Variants in KANSL1 observed in about 807,000 individuals in gnomAD.
The protein encoded by KANSL1 is MLL1/MLL complex subunit KANSL1.
KANSL1 carries 22 observed loss-of-function variants against 103.6 expected under a neutral mutation model. That is an observed-to-expected ratio of 0.21 (90% CI 0.15 to 0.30). KANSL1 has a LOEUF of 0.30. Among genes scored for constraint, KANSL1 ranks in the 10% least tolerant of loss-of-function variants. KANSL1 has a pLI of 1.00. For synonymous variants in KANSL1, 600 were observed against 527.6 expected, an observed-to-expected ratio of 1.14 and a Z score of -1.88; for missense variants, 1,337 against 1,399.8, an observed-to-expected ratio of 0.96 and a Z score of 0.72.
chr17:46,105,918 CA>C, intron 2 of KANSL1, among the ~76,000 whole-genome samples: 1 of 87,350 alleles, frequency 1.1e-5, no homozygotes, highest in South Asian at 4.0e-4. Flanking sequence ...CACACACACA[CA>C]CACACACACA....
rs1287305836 is a variant in KANSL1 at position 46,066,465 on chromosome 17, T to C, written c.1848+72A>G. 17 of 1,363,660 alleles carry C rather than the reference T, an allele frequency of 1.2e-5. No homozygotes were observed. In the East Asian group the frequency reaches 3.8e-4, roughly 31 times the overall value. 84.5% of individuals were successfully genotyped at this position (1,363,660 alleles called of 1,614,324 possible). ...TAGCCAAGTTTAGAAAACACCAAAG[T>C]TGGCAAGAGACTAACTCTATCTGAG... On this transcript the variant is annotated intron_variant, in intron 6 of 14. Coordinates refer to ENST00000432791, the MANE Select transcript of KANSL1 (RefSeq NM_015443.4).
intron 3 of KANSL1, chr17:46,093,341 T>G (rs2146936470): frequency 6.5e-6 from 1 of 152,776 alleles, no homozygotes; most frequent in African/African-American, 2.4e-5. Context: ...ATTAGTTTTG[T>G]TCCAGCTAAT....
intron 6 of KANSL1, among the ~76,000 whole-genome samples, chr17:46,063,727 G>A (rs1241281621): frequency 6.6e-6 from 1 of 152,026 alleles, no homozygotes; most frequent in East Asian, 1.9e-4. Flanking sequence ...AACTACATTC[G>A]TTCTTAGGCA....
chr17:46,128,425 G>T (rs983943235), intron 2 of KANSL1, among the ~76,000 whole-genome samples: 2 of 152,036 alleles, frequency 1.3e-5, no homozygotes, highest in Admixed American at 1.3e-4. Flanking sequence ...CATTCCAGAG[G>T]TAAGAAGAGA....
intron 3 of KANSL1, among the ~76,000 whole-genome samples, chr17:46,092,702 GTTT>G (rs1182576324): frequency 3.0e-4 from 10 of 33,416 alleles, no homozygotes; most frequent in Admixed American, 4.9e-4. Flanking sequence ...CTGTTGGGTT[GTTT>G]TTTTTTTTTT....
intron 2 of KANSL1, among the ~76,000 whole-genome samples, chr17:46,116,446 T>A (rs2147149721): frequency 6.6e-6 from 1 of 152,220 alleles, no homozygotes; most frequent in East Asian, 1.9e-4. Context: ...AGGAGAATGG[T>A]GTGAACTCGG....
At chr17:46,149,856 T>C (rs1467570401) in intron 2 of KANSL1, among the ~76,000 whole-genome samples, 1 of 142,626 alleles carries the variant, frequency 7.0e-6, no homozygotes, top group Non-Finnish European at 1.5e-5. Context: ...CTACTAAAAA[T>C]ACAAAAAAAA....
chr17:46,192,458 GC>G (rs1419322777), intron 1 of KANSL1: 1 of 152,754 alleles, frequency 6.5e-6, no homozygotes, highest in Non-Finnish European at 1.5e-5. Flanking sequence ...GCAGAGAAAG[GC>G]CTTTTGCAGT....
chr17:46,175,169 T>C (rs956038621), intron 1 of KANSL1, among the ~76,000 whole-genome samples: 4 of 152,176 alleles, frequency 2.6e-5, no homozygotes, highest in African/African-American at 9.7e-5. Flanking sequence ...CAACACAGGA[T>C]GGTAGGCCCT....
rs2042201997 is a variant in KANSL1, at chr17:46,099,140, G to A, written c.1290-4439C>T. On this transcript the variant is annotated intron_variant, in intron 2 of 14. Coordinates refer to ENST00000432791, the MANE Select transcript of KANSL1 (RefSeq NM_015443.4). Reference sequence around the variant, plus strand: ...AGATCGAGACCATCCTGGCTAACACGGTGAAACCCCGTCTCTACTAAAAAT... The same window carrying A: ...AGATCGAGACCATCCTGGCTAACACAGTGAAACCCCGTCTCTACTAAAAAT... Among the ~76,000 whole-genome samples the A allele has an allele frequency of 4.1e-5, 5 of 122,960 alleles. 1 individual carries two copies. In the Admixed American group the frequency reaches 4.4e-4, roughly 11 times the overall value. The allele number at this position is 122,960 out of a possible 152,430, so 80.7% of individuals were successfully genotyped here.
chr17:46,170,845 G>T lies in KANSL1; in HGVS notation c.1289+10C>A. On this transcript the variant is annotated intron_variant, in intron 2 of 14. Coordinates refer to ENST00000432791, the MANE Select transcript of KANSL1 (RefSeq NM_015443.4). ...TCTCAAGAATGCTATCATGCATGAG[G>T]TCTACTCACAGGGGTACATGACGCT... 1 of 1,585,042 alleles carries T rather than the reference G, an allele frequency of 6.3e-7. No individual in the cohort carries two copies. Among genetic ancestry groups the T allele is most frequent in the Non-Finnish European group, 8.6e-7 (1 of 1,166,336 alleles).
At chr17:46,125,030 A>T in intron 2 of KANSL1, among the ~76,000 whole-genome samples, 1 of 89,530 alleles carries the variant, frequency 1.1e-5, no homozygotes, top group East Asian at 3.3e-4. Context: ...AAGGGAGGGG[A>T]GGTAGGGAGG....
chr17:46,181,395 T>TA (rs1260307766), intron 1 of KANSL1, among the ~76,000 whole-genome samples: 1 of 152,086 alleles, frequency 6.6e-6, no homozygotes, highest in Non-Finnish European at 1.5e-5. Flanking sequence ...TTTACCTTTT[T>TA]ATCATCTCAC....
chr17:46,171,197 T>C lies in KANSL1; in HGVS notation c.947A>G (p.His316Arg), dbSNP rs2046266809. Residue 316 changes from histidine to arginine, a missense_variant, in exon 2 of 15, where the codon CAT becomes CGT. Physicochemically the swap from His to Arg is conservative, Grantham distance 29. Transcript: ENST00000432791. Reference protein sequence around the residue: ...QVVQAKQVERHIQHQLGGFLE... With the variant: ...QVVQAKQVERRIQHQLGGFLE... Reference sequence around the variant, plus strand: ...AAATCCACCCAGCTGATGTTGTATATGCCTCTCAACCTGCTTGGCTTGCAC... The same window carrying C: ...AAATCCACCCAGCTGATGTTGTATACGCCTCTCAACCTGCTTGGCTTGCAC... The C allele has an allele frequency of 6.2e-7, 1 of 1,614,186 alleles. No homozygotes were observed. Among genetic ancestry groups the C allele is most frequent in the Non-Finnish European group, 8.5e-7 (1 of 1,180,042 alleles).
chr17:46,144,275 A>G (rs1376281647), intron 2 of KANSL1, among the ~76,000 whole-genome samples: 3 of 152,244 alleles, frequency 2.0e-5, no homozygotes, highest in Non-Finnish European at 4.4e-5. Flanking sequence ...TCTAGGGATA[A>G]TCAAAAAATG....
At chr17:46,113,716 C>G (rs1232439579) in intron 2 of KANSL1, among the ~76,000 whole-genome samples, 4 of 152,026 alleles carry the variant, frequency 2.6e-5, no homozygotes, top group African/African-American at 9.7e-5. Context: ...TGAAGTCTAC[C>G]CTGTATGTAC....
intron 2 of KANSL1, among the ~76,000 whole-genome samples, chr17:46,154,135 G>A (rs2045284102): frequency 6.6e-6 from 1 of 152,184 alleles, no homozygotes; most frequent in Admixed American, 6.5e-5. Context: ...ACAAAAGTAA[G>A]GGGAAAAAGA....
intron 1 of KANSL1, among the ~76,000 whole-genome samples, chr17:46,189,361 T>C (rs2047197516): frequency 6.6e-6 from 1 of 152,182 alleles, no homozygotes; most frequent in African/African-American, 2.4e-5. Flanking sequence ...AGAGGTCCTT[T>C]GTTGGGGGGT....
chr17:46,128,656 G>A (rs960675324), intron 2 of KANSL1, among the ~76,000 whole-genome samples: 3 of 152,200 alleles, frequency 2.0e-5, no homozygotes, highest in Admixed American at 1.3e-4. Flanking sequence ...AGCTTTCCAG[G>A]CAGAAGGAAT....
Sources: allele counts gnomAD v4.1 joint callset (sites outside exome capture counted in the v4.1 genomes callset), GRCh38; gene constraint gnomAD v4.1.1; transcripts MANE v1.5; gene names NCBI Gene and HGNC (gene_info 2026-07-23, HGNC 2026-07-21).